The following ATG7 variants were observed in gnomAD, a reference collection of about 807,000 sequenced individuals.
The protein encoded by ATG7 is ubiquitin-like modifier-activating enzyme ATG7.
In ATG7, 70 loss-of-function variants were observed where a neutral mutation model predicts 82.4. The observed-to-expected ratio is 0.85, with a 90% CI of 0.70 to 1.04. The LOEUF (loss-of-function observed/expected upper bound fraction) is 1.04, where lower values mean the gene tolerates loss of function less well. Among genes scored for constraint, ATG7 ranks in the 50% least tolerant of loss-of-function variants. The pLI, the probability that ATG7 is intolerant of heterozygous loss-of-function variation, is 0.00. For synonymous variants in ATG7, 287 were observed against 313.0 expected (o/e 0.92, Z 0.88); for missense variants, 792 against 864.3 (o/e 0.92, Z 1.05).
chr3:11,528,338 A>T (rs2092626408), intron 20 of ATG7, among the ~76,000 whole-genome samples: 1 of 152,166 alleles, frequency 6.6e-6, no homozygotes, highest in African/African-American at 2.4e-5. Context: ...AAAACATAAG[A>T]TAGCTATCTT....
intron 20 of ATG7, among the ~76,000 whole-genome samples, chr3:11,427,392 C>T (rs2082450268): frequency 6.6e-6 from 1 of 152,114 alleles, no homozygotes; most frequent in Non-Finnish European, 1.5e-5. Flanking sequence ...ACCCTGAACC[C>T]CACCATGAAA....
intron 20 of ATG7, among the ~76,000 whole-genome samples, chr3:11,552,498 C>T (rs1431237162): frequency 1.3e-5 from 2 of 152,120 alleles, no homozygotes; most frequent in Non-Finnish European, 2.9e-5. Flanking sequence ...CCCCCAGTCC[C>T]ACTCCAGTCC....
At chr3:11,560,370 G>A (rs188937938), downstream of ATG7, among the ~76,000 whole-genome samples, 758 of 152,322 alleles carry the variant, frequency 5.0e-3, 6 homozygotes, top group African/African-American at 0.018. Context: ...ACAAGGTGGT[G>A]GAGTATGTGG....
At chr3:11,514,686 T>C (rs753855759) in intron 20 of ATG7, among the ~76,000 whole-genome samples, 59 of 152,198 alleles carry the variant, frequency 3.9e-4, no homozygotes, top group Admixed American at 1.0e-3. Flanking sequence ...CTGATATGCA[T>C]AGCATACTTA....
chr3:11,352,845 G>A (rs575323369), intron 14 of ATG7, among the ~76,000 whole-genome samples: 6 of 152,328 alleles, frequency 3.9e-5, no homozygotes, highest in African/African-American at 1.4e-4. Context: ...TGAAGGAATT[G>A]ATCAGAAGAG....
At chr3:11,289,322 C>T (rs1189040608) in intron 3 of ATG7, among the ~76,000 whole-genome samples, 1 of 152,326 alleles carries the variant, frequency 6.6e-6, no homozygotes, top group East Asian at 1.9e-4. Flanking sequence ...ACCATTACTT[C>T]TTAAATCTTC....
intron 18 of ATG7, among the ~76,000 whole-genome samples, chr3:11,366,971 C>CTGTGTGTGTGCGTGTG (rs2076655263): frequency 7.2e-6 from 1 of 139,694 alleles, no homozygotes; most frequent in African/African-American, 2.7e-5. Flanking sequence ...ATGGGAAAAG[C>CTGTGTGTGTGCGTGTG]TGTGTGTGTG....
chr3:11,527,658 A>G (rs2092613475), intron 20 of ATG7, among the ~76,000 whole-genome samples: 1 of 152,214 alleles, frequency 6.6e-6, no homozygotes. Flanking sequence ...ATCATATAGA[A>G]GGCAAACATA....
intron 19 of ATG7, among the ~76,000 whole-genome samples, chr3:11,424,660 TATTA>T (rs1419249074): frequency 1.3e-5 from 2 of 151,974 alleles, no homozygotes; most frequent in African/African-American, 4.8e-5. Flanking sequence ...ATTGAATAAT[TATTA>T]AGTAACACAT....
At chr3:11,350,886 C>CGAGACCAGCCTGGGCAACCTAGTT in intron 14 of ATG7, among the ~76,000 whole-genome samples, 3 of 130,916 alleles carry the variant, frequency 2.3e-5, no homozygotes, top group Non-Finnish European at 4.6e-5. Flanking sequence ...GCCAGAAGTT[C>CGAGACCAGCCTGGGCAACCTAGTT]GAGACCAGCC....
intron 19 of ATG7, among the ~76,000 whole-genome samples, chr3:11,396,221 C>T (rs1007723739): frequency 2.0e-5 from 3 of 151,884 alleles, no homozygotes; most frequent in Admixed American, 6.6e-5. Flanking sequence ...CTGAGGCAAG[C>T]GCATCACTTG....
intron 20 of ATG7, among the ~76,000 whole-genome samples, chr3:11,458,143 G>T (rs912632578): frequency 1.3e-5 from 2 of 151,878 alleles, no homozygotes; most frequent in African/African-American, 2.4e-5. Flanking sequence ...AACATTTCAA[G>T]AGTTTCAAAT....
At chr3:11,536,806 T>C (rs570523259) in intron 20 of ATG7, among the ~76,000 whole-genome samples, 1 of 152,304 alleles carries the variant, frequency 6.6e-6, no homozygotes, top group South Asian at 2.1e-4. Context: ...CACACCCCTC[T>C]CTGAGCCTCC....
At chr3:11,397,702 C>T (rs2079433959) in intron 19 of ATG7, among the ~76,000 whole-genome samples, 1 of 150,544 alleles carries the variant, frequency 6.6e-6, no homozygotes, top group Admixed American at 6.6e-5. Flanking sequence ...AGTGATCCGC[C>T]CACCTCGGCC....
At chr3:11,276,593 C>T (rs1041565760) in intron 1 of ATG7, among the ~76,000 whole-genome samples, 1 of 152,226 alleles carries the variant, frequency 6.6e-6, no homozygotes, top group Admixed American at 6.5e-5. Context: ...CCAAAGTCAT[C>T]AGACCTCGAC....
Position 11,417,784 on chromosome 3 carries a change from A to AATT in ATG7, c.1957-9004_1957-9002dup, listed in dbSNP as rs139624584. On this transcript the variant is annotated intron_variant, in intron 19 of 20. Transcript: ENST00000693202. ...TTTTGTGGTTTACCAGCATTTAAAA[A>AATT]ATTATTATTATTATTATTTTATTTT... is the stretch of plus-strand genomic sequence containing the variant. Among the ~76,000 whole-genome samples, 87 of 56,788 alleles carry AATT rather than the reference A, an allele frequency of 1.5e-3. 2 individuals are homozygous for AATT. Among genetic ancestry groups the AATT allele is most frequent in the East Asian group, 5.1e-3 (2 of 396 alleles). The allele number at this position is 56,788 out of a possible 152,430, so 37.3% of individuals were successfully genotyped here.
chr3:11,287,438 G>C (rs181097119), intron 3 of ATG7, among the ~76,000 whole-genome samples: 1 of 152,278 alleles, frequency 6.6e-6, no homozygotes, highest in Non-Finnish European at 1.5e-5. Context: ...AGGCCATGGG[G>C]GCCTGAGAGC....
intron 20 of ATG7, among the ~76,000 whole-genome samples, chr3:11,501,465 CAT>C (rs1186616643): frequency 1.3e-5 from 2 of 152,014 alleles, no homozygotes; most frequent in African/African-American, 4.8e-5. Context: ...TACAGTGTTA[CAT>C]TTAGAAAGTA....
At chr3:11,282,484 G>C (rs1414028925) in intron 3 of ATG7, 46 bp downstream of exon 3, 2 of 152,200 alleles carry the variant, frequency 1.3e-5, no homozygotes, top group African/African-American at 4.8e-5. Flanking sequence ...CTAACTGCCA[G>C]TGTGATCAGC....
Sources: allele counts gnomAD v4.1 joint callset (sites outside exome capture counted in the v4.1 genomes callset), GRCh38; gene constraint gnomAD v4.1.1; transcripts MANE v1.5; gene names NCBI Gene and HGNC (gene_info 2026-07-23, HGNC 2026-07-21).